Variants in ATP2B2 observed in about 807,000 individuals in gnomAD.
ATP2B2 encodes ATPase plasma membrane Ca2+ transporting 2, also known as plasma membrane calcium-transporting ATPase 2.
A neutral mutation model predicts 120.0 loss-of-function variants in ATP2B2; 15 were observed. The ratio of observed to expected loss-of-function variants is 0.12; its 90% CI spans 0.08 to 0.19. The LOEUF (loss-of-function observed/expected upper bound fraction) is 0.19. Among genes scored for constraint, ATP2B2 ranks in the 10% least tolerant of loss-of-function variants. The probability of loss-of-function intolerance (pLI) is 1.00; values close to 1 mark genes in which losing one functional copy is unlikely to be tolerated. For synonymous variants in ATP2B2, 694 were observed against 700.3 expected, an observed-to-expected ratio of 0.99 and a Z score of 0.14; for missense variants, 1,045 against 1,719.8, an observed-to-expected ratio of 0.61 and a Z score of 6.94.
intron 2 of ATP2B2, among the ~76,000 whole-genome samples, chr3:10,592,951 A>G (rs1559475651): frequency 6.7e-6 from 1 of 150,198 alleles, no homozygotes; most frequent in Non-Finnish European, 1.5e-5. Flanking sequence ...ACGCCTGGCT[A>G]ATTTTTGTAA....
In ATP2B2 at chr3:10,450,562, G is replaced by A. The variant is rs561840929; in HGVS notation, c.-319-700C>T. Among the ~76,000 whole-genome samples the A allele has an allele frequency of 2.7e-4, 41 of 152,284 alleles. 1 individual carries two copies. In the South Asian group the frequency reaches 7.5e-3, roughly 28 times the overall value. On this transcript the variant is annotated intron_variant, in intron 1 of 22. Coordinates refer to ENST00000360273, the MANE Select transcript of ATP2B2 (RefSeq NM_001001331.4). ...CCCACAGGCCCCCACCATATTAATC[G>A]AGGCCCTTGGCCTGGCCAAAGAAGC...
At chr3:10,472,527 T>C (rs1262453066) in intron 1 of ATP2B2, among the ~76,000 whole-genome samples, 1 of 152,234 alleles carries the variant, frequency 6.6e-6, no homozygotes, top group Non-Finnish European at 1.5e-5. Flanking sequence ...CGGGTTATTT[T>C]GAGAGCTGAG....
At position 10,325,584 on chromosome 3, in the gene ATP2B2, G is replaced by A. The variant is rs1404814167; in HGVS notation, c.*3230C>T. 6.6e-6 allele frequency: 1 copy of A among 152,220 alleles called. No homozygotes were observed. Among genetic ancestry groups the A allele is most frequent in the Non-Finnish European group, 1.5e-5 (1 of 68,050 alleles). The allele number at this position is 152,220 out of a possible 1,614,324, so 9.4% of individuals were successfully genotyped here. A position where few individuals can be genotyped will look rare whatever the true frequency, so the allele number is the denominator to read the frequency against. On this transcript the variant is annotated 3_prime_UTR_variant, in exon 23 of 23. Coordinates refer to ENST00000360273, the MANE Select transcript of ATP2B2 (RefSeq NM_001001331.4). ...TTAATTGGTCCAGTCTCAGAAATAG[G>A]ACTGCCTCTCTCTTGTCATCTCTAT...
At chr3:10,534,960 A>G (rs943783399) in intron 2 of ATP2B2, among the ~76,000 whole-genome samples, 57 of 136,530 alleles carry the variant, frequency 4.2e-4, no homozygotes, top group Non-Finnish European at 7.8e-4. Flanking sequence ...CTGGAGTGCA[A>G]TGGCATGATC....
chr3:10,504,888 C>T (rs971148985), intron 1 of ATP2B2, among the ~76,000 whole-genome samples: 10 of 152,124 alleles, frequency 6.6e-5, no homozygotes, highest in Non-Finnish European at 1.5e-4. Flanking sequence ...CCCAGGAACA[C>T]GTCCCTGCCA....
chr3:10,364,442 G>A (rs1305125067), intron 12 of ATP2B2, among the ~76,000 whole-genome samples: 1 of 152,162 alleles, frequency 6.6e-6, no homozygotes, highest in Non-Finnish European at 1.5e-5. Flanking sequence ...CAGGTGTGGT[G>A]GCTCACATCT....
At position 10,326,717 on chromosome 3, in the gene ATP2B2, C is replaced by G. The variant is rs74879487; in HGVS notation, c.*2097G>C. 2.5e-6 allele frequency: 1 copy of G among 399,010 alleles called. No homozygotes were observed. Among genetic ancestry groups the G allele is most frequent in the South Asian group, 1.3e-4 (1 of 7,858 alleles). The allele number at this position is 399,010 out of a possible 1,614,324, so 24.7% of individuals were successfully genotyped here. On this transcript the variant is annotated 3_prime_UTR_variant, in exon 23 of 23. Transcript: ENST00000360273. ...GGATACATTCAGAGATACTTCTTCA[C>G]GACATTCAGGTGATGCGCTCTTGAA...
chr3:10,426,858 A>C, intron 2 of ATP2B2, among the ~76,000 whole-genome samples: 1 of 89,204 alleles, frequency 1.1e-5, no homozygotes, highest in Non-Finnish European at 2.2e-5. Flanking sequence ...TTTGCGGGGG[A>C]TAGGAGGGTG....
chr3:10,468,627 C>A (rs980113404), intron 1 of ATP2B2, among the ~76,000 whole-genome samples: 1 of 152,212 alleles, frequency 6.6e-6, no homozygotes, highest in African/African-American at 2.4e-5. Context: ...GAGCAAGGTG[C>A]CCATTTTACA....
At position 10,674,010 on chromosome 3, in the gene ATP2B2, C is replaced by A. The variant is rs539582755; in HGVS notation, c.-460+33905G>T. 1.4e-3 allele frequency among the ~76,000 whole-genome samples: 206 copies of A among 151,806 alleles called. 1 individual carries two copies. The highest frequency in any genetic ancestry group is 4.7e-3 in the African/African-American group (193 of 41,378). ...TGGTTTTATAAAAAAAAAAAAGAAG[C>A]CAATATTAAGCTTTGGGGCAGGCAG... On this transcript the variant is annotated intron_variant, in intron 1 of 21. Transcript: ENST00000646379.
intron 5 of ATP2B2, among the ~76,000 whole-genome samples, chr3:10,396,463 C>T (rs141265441): frequency 5.6e-4 from 85 of 152,354 alleles, no homozygotes; most frequent in African/African-American, 2.0e-3. Context: ...CTAGGGCTTT[C>T]TCAACCACCA....
intron 2 of ATP2B2, among the ~76,000 whole-genome samples, chr3:10,441,067 G>A (rs767904216): frequency 1.3e-5 from 2 of 152,202 alleles, no homozygotes; most frequent in African/African-American, 2.4e-5. Flanking sequence ...TCTTAAGGCG[G>A]GAGCAGTTTA....
chr3:10,357,827 G>A (rs1436419063), intron 14 of ATP2B2, among the ~76,000 whole-genome samples: 3 of 152,298 alleles, frequency 2.0e-5, no homozygotes, highest in Admixed American at 6.5e-5. Context: ...GCCATGCACC[G>A]TTTTGGAGAT....
chr3:10,599,427 G>T (rs1007815070), intron 2 of ATP2B2, among the ~76,000 whole-genome samples: 4 of 152,072 alleles, frequency 2.6e-5, no homozygotes, highest in Non-Finnish European at 4.4e-5. Context: ...TCCCTGCAGG[G>T]GCTCCCTCCA....
chr3:10,536,136 C>T (rs2067308526), intron 2 of ATP2B2, among the ~76,000 whole-genome samples: 4 of 152,126 alleles, frequency 2.6e-5, no homozygotes, highest in African/African-American at 9.7e-5. Flanking sequence ...TGATGTTGCA[C>T]ATCTTTTCAC....
At chr3:10,373,023 T>C (rs2061286764) in intron 11 of ATP2B2, among the ~76,000 whole-genome samples, 1 of 152,238 alleles carries the variant, frequency 6.6e-6, no homozygotes, top group Non-Finnish European at 1.5e-5. Context: ...ATAATTTTAA[T>C]AGAGCTTTAT....
rs185889014 is a variant in ATP2B2 at position 10,524,640 on chromosome 3, T to A, written c.-320+9399A>T. Among the ~76,000 whole-genome samples, 118 of 152,276 alleles carry A rather than the reference T, an allele frequency of 7.7e-4. 1 individual carries two copies. Among genetic ancestry groups the A allele is most frequent in the African/African-American group, 2.7e-3 (113 of 41,556 alleles). On this transcript the variant is annotated intron_variant, in intron 3 of 21. Coordinates refer to the ATP2B2 transcript ENST00000646379. Reference sequence around the variant, plus strand: ...CATCATCTCCCCAGCTCTCCTTCCCTCTTCTATTTATTACTTCCCTCCCTC... The same window carrying A: ...CATCATCTCCCCAGCTCTCCTTCCCACTTCTATTTATTACTTCCCTCCCTC...
chr3:10,469,076 G>A (rs1166976734), intron 1 of ATP2B2, among the ~76,000 whole-genome samples: 1 of 152,190 alleles, frequency 6.6e-6, no homozygotes, highest in Non-Finnish European at 1.5e-5. Context: ...GCTGTGGATC[G>A]ACTTCGATGT....
intron 2 of ATP2B2, among the ~76,000 whole-genome samples, chr3:10,591,332 A>G (rs1032197254): frequency 6.6e-6 from 1 of 152,136 alleles, no homozygotes; most frequent in African/African-American, 2.4e-5. Context: ...TCTGTCCTCC[A>G]TACAGCAGGC....
Sources: gnomAD v4.1 joint callset for allele counts (sites outside exome capture counted in the v4.1 genomes callset) on GRCh38, gnomAD v4.1.1 for gene constraint, MANE v1.5 for transcripts, NCBI Gene and HGNC (gene_info 2026-07-23, HGNC 2026-07-21) for gene names.